TCF12: variants seen among roughly 807,000 people sequenced by gnomAD.
TCF12 encodes transcription factor 12.
A neutral mutation model predicts 86.0 loss-of-function variants in TCF12; 45 were observed. The ratio of observed to expected loss-of-function variants is 0.52; its 90% CI spans 0.41 to 0.67. The LOEUF (loss-of-function observed/expected upper bound fraction) is 0.67. TCF12 is among the 30% of genes least tolerant of loss of function. TCF12 has a pLI of 0.00. For synonymous variants in TCF12, 330 were observed against 299.6 expected, an observed-to-expected ratio of 1.10 and a Z score of -1.05; for missense variants, 881 against 859.9, an observed-to-expected ratio of 1.02 and a Z score of -0.31.
In TCF12 at chr15:57,061,254, C is replaced by T. The variant is rs139113573; in HGVS notation, c.149-2496C>T. Among the ~76,000 whole-genome samples the T allele has an allele frequency of 2.5e-3, 385 of 152,252 alleles. 2 individuals are homozygous for T. Among genetic ancestry groups the T allele is most frequent in the Middle Eastern group, 0.01 (3 of 294 alleles). On this transcript the variant is annotated intron_variant, in intron 3 of 20. Coordinates refer to ENST00000333725, the MANE Select transcript of TCF12 (RefSeq NM_207037.2). Reference sequence around the variant, plus strand: ...ATTTTGCTTGAGATGTTCTCTGTAACTGGCACCCATCTTTCCTCTCTCTCT... The same window carrying T: ...ATTTTGCTTGAGATGTTCTCTGTAATTGGCACCCATCTTTCCTCTCTCTCT...
At chr15:57,236,253 C>T (rs1433812445) in intron 12 of TCF12, among the ~76,000 whole-genome samples, 2 of 152,148 alleles carry the variant, frequency 1.3e-5, no homozygotes, top group Non-Finnish European at 2.9e-5. Context: ...ATTCTTTTTC[C>T]AACTTTCCTT....
At position 57,286,578 on chromosome 15, in the gene TCF12, C is replaced by A. The variant is rs2061940569; in HGVS notation, c.*433C>A. On this transcript the variant is annotated 3_prime_UTR_variant, in exon 21 of 21. Coordinates refer to ENST00000333725, the MANE Select transcript of TCF12 (RefSeq NM_207037.2). ...AAAGTTAATGTGGAAAGCTGATCTA[C>A]ACTCAGCTGATGCCAGCATACATTA... 6.6e-6 allele frequency: 3 copies of A among 455,436 alleles called. No homozygotes were observed. The highest frequency in any genetic ancestry group is 8.8e-6 in the Non-Finnish European group (2 of 226,656). 28.2% of individuals were successfully genotyped at this position (455,436 alleles called of 1,614,324 possible).
chr15:57,068,842 T>G (rs1304202619), intron 4 of TCF12, among the ~76,000 whole-genome samples: 1 of 152,182 alleles, frequency 6.6e-6, no homozygotes, highest in Non-Finnish European at 1.5e-5. Context: ...ATTATGATAA[T>G]TTTACATGTA....
In TCF12 at chr15:57,170,737, A is replaced by AT. The variant is rs1567559372; in HGVS notation, c.390+4271_390+4272insT. 3.0e-3 allele frequency among the ~76,000 whole-genome samples: 75 copies of AT among 24,826 alleles called. 2 individuals carry two copies. Among genetic ancestry groups the AT allele is most frequent in the African/African-American group, 7.2e-3 (67 of 9,312 alleles). The allele number at this position is 24,826 out of a possible 152,430, so 16.3% of individuals were successfully genotyped here. A position where few individuals can be genotyped will look rare whatever the true frequency, so the allele number is the denominator to read the frequency against. ...AATATATATATTATATATTATATAT[A>AT]ATATATATTATATATTATATATTAT... On this transcript the variant is annotated intron_variant, in intron 6 of 20. Coordinates refer to ENST00000333725, the MANE Select transcript of TCF12 (RefSeq NM_207037.2).
intron 3 of TCF12, among the ~76,000 whole-genome samples, chr15:56,939,159 G>A (rs375569772): frequency 5.9e-5 from 9 of 152,204 alleles, no homozygotes; most frequent in Admixed American, 1.3e-4. Flanking sequence ...GCCTTTTCAG[G>A]TGATAATTTT....
At chr15:57,290,328 A>G (rs2062056373), downstream of TCF12, among the ~76,000 whole-genome samples, 1 of 114,082 alleles carries the variant, frequency 8.8e-6, no homozygotes, top group Non-Finnish European at 1.8e-5. Flanking sequence ...GGGGAACAAG[A>G]GCAAAACTGT....
intron 8 of TCF12, chr15:57,214,050 T>TTCAAGTGGTTACTTCAA (rs2058229611): frequency 1.3e-5 from 2 of 152,206 alleles, no homozygotes; most frequent in South Asian, 4.1e-4. Flanking sequence ...ATTCTCTTAC[T>TTCAAGTGGTTACTTCAA]GTGTTACTTC....
chr15:57,026,972 ATTATTTT>A (rs2065861401), intron 3 of TCF12, among the ~76,000 whole-genome samples: 1 of 152,008 alleles, frequency 6.6e-6, no homozygotes, highest in Non-Finnish European at 1.5e-5. Flanking sequence ...TTAAATTTGT[ATTATTTT>A]TTATTTTATT....
chr15:56,963,410 A>G (rs2061863895), intron 3 of TCF12, among the ~76,000 whole-genome samples: 1 of 152,184 alleles, frequency 6.6e-6, no homozygotes, highest in Non-Finnish European at 1.5e-5. Flanking sequence ...GTCTGAGGAA[A>G]GCTTAGTTCT....
At chr15:57,029,536 T>G (rs1403344101) in intron 3 of TCF12, among the ~76,000 whole-genome samples, 1 of 152,244 alleles carries the variant, frequency 6.6e-6, no homozygotes, top group African/African-American at 2.4e-5. Flanking sequence ...AAAAGTATAC[T>G]TTGTACTACG....
intron 6 of TCF12, among the ~76,000 whole-genome samples, chr15:57,188,082 A>G (rs2056778734): frequency 6.6e-6 from 1 of 152,216 alleles, no homozygotes; most frequent in South Asian, 2.1e-4. Flanking sequence ...TAAAACTATT[A>G]GAGCTAATAA....
At chr15:57,091,170 A>G (rs1439152918) in intron 4 of TCF12, among the ~76,000 whole-genome samples, 2 of 152,138 alleles carry the variant, frequency 1.3e-5, no homozygotes, top group Non-Finnish European at 2.9e-5. Context: ...GTAGGAGTAT[A>G]TATTGTTCTA....
chr15:56,922,915 A>G (rs2059854182), intron 3 of TCF12, among the ~76,000 whole-genome samples: 1 of 151,868 alleles, frequency 6.6e-6, no homozygotes, highest in Non-Finnish European at 1.5e-5. Context: ...TTTTACTTAT[A>G]TATTTTATAT....
chr15:57,009,331 A>G (rs1156391635), intron 3 of TCF12, among the ~76,000 whole-genome samples: 3 of 151,914 alleles, frequency 2.0e-5, no homozygotes, highest in Admixed American at 1.3e-4. Flanking sequence ...GGCTGGTCTC[A>G]CACTCCTGGG....
chr15:57,123,898 AGT>A (rs1347170104), intron 5 of TCF12, among the ~76,000 whole-genome samples: 1 of 147,242 alleles, frequency 6.8e-6, no homozygotes, highest in Non-Finnish European at 1.5e-5. Flanking sequence ...TGAACCCGGG[AGT>A]CAGAGCTTGC....
At chr15:57,225,971 A>G (rs1260316604) in intron 8 of TCF12, among the ~76,000 whole-genome samples, 3 of 150,956 alleles carry the variant, frequency 2.0e-5, no homozygotes, top group Non-Finnish European at 3.0e-5. Context: ...TTAACTTGTC[A>G]TTTAACATTA....
At chr15:57,079,255 G>C (rs1457779395) in intron 4 of TCF12, among the ~76,000 whole-genome samples, 1 of 152,078 alleles carries the variant, frequency 6.6e-6, no homozygotes, top group East Asian at 1.9e-4. Context: ...TTTTTCTCTG[G>C]TAATGGATCA....
At chr15:56,988,066 C>T (rs1404524254) in intron 3 of TCF12, among the ~76,000 whole-genome samples, 1 of 152,058 alleles carries the variant, frequency 6.6e-6, no homozygotes, top group Non-Finnish European at 1.5e-5. Flanking sequence ...AACATATAGG[C>T]AGTGATTATT....
chr15:57,231,354 CTTATTTAGGCA>C, intron 9 of TCF12, 97 bp downstream of exon 9: 2 of 878,872 alleles, frequency 2.3e-6, no homozygotes, highest in Non-Finnish European at 3.4e-6. Context: ...ATATTCAGGC[CTTATTTAGGCA>C]TTTTTTTTGG....
Sources: gnomAD v4.1 joint callset for allele counts (sites outside exome capture counted in the v4.1 genomes callset) on GRCh38, gnomAD v4.1.1 for gene constraint, MANE v1.5 for transcripts, NCBI Gene and HGNC (gene_info 2026-07-23, HGNC 2026-07-21) for gene names.